SULT1A1: variants seen among roughly 807,000 people sequenced by gnomAD.
The protein encoded by SULT1A1 is sulfotransferase 1A1.
In SULT1A1, 35 loss-of-function variants were observed where a neutral mutation model predicts 36.8. That is an observed-to-expected ratio of 0.95 (90% CI 0.73 to 1.26). SULT1A1 has a LOEUF of 1.26. Among genes scored for constraint, SULT1A1 ranks in the 50% most tolerant of loss-of-function variants. The pLI, the probability that SULT1A1 is intolerant of heterozygous loss-of-function variation, is 0.00. For synonymous variants in SULT1A1, 119 were observed against 146.0 expected, an observed-to-expected ratio of 0.82 and a Z score of 1.33; for missense variants, 309 against 383.0, an observed-to-expected ratio of 0.81 and a Z score of 1.61.
At chr16:28,611,458 G>T (rs1405703050), upstream of SULT1A1, 7 of 152,214 alleles carry the variant, frequency 4.6e-5, no homozygotes, top group African/African-American at 1.7e-4. Flanking sequence ...TGCCAAGACG[G>T]CTCCAGGAAC....
upstream of SULT1A1, chr16:28,610,564 A>C: frequency 4.1e-6 from 1 of 244,212 alleles, no homozygotes; most frequent in Non-Finnish European, 8.3e-6. Context: ...GTGTGGGCAG[A>C]GTGAAGGGGC....
chr16:28,622,684 G>A (rs1477012996), intron 1 of SULT1A1, among the ~76,000 whole-genome samples: 1 of 151,948 alleles, frequency 6.6e-6, no homozygotes, highest in East Asian at 1.9e-4. Flanking sequence ...ACAGCAGGTC[G>A]GTTCCTTCCC....
At chr16:28,608,229 T>C in intron 4 of SULT1A1, 62 bp downstream of exon 4, 1 of 1,596,874 alleles carries the variant, frequency 6.3e-7, no homozygotes, top group Non-Finnish European at 8.6e-7. Context: ...TCAGGTGATC[T>C]GCCTGCCTCA....
At chr16:28,623,115 C>G in intron 1 of SULT1A1, 2 of 1,524,000 alleles carry the variant, frequency 1.3e-6, no homozygotes, top group Non-Finnish European at 1.8e-6. Flanking sequence ...CCCAGGTTCC[C>G]CCCCCGGCCC....
At chr16:28,619,929 A>T (rs2047617263) in intron 2 of SULT1A1, 1 of 641,120 alleles carries the variant, frequency 1.6e-6, no homozygotes, top group African/African-American at 1.8e-5. Flanking sequence ...GTACATATAT[A>T]TACATATACA....
At chr16:28,623,134 CGTA>C in exon 1 of SULT1A1, 1 of 1,336,466 alleles carries the variant, frequency 7.5e-7, no homozygotes, top group Non-Finnish European at 9.9e-7. Context: ...CCCTCACCGG[CGTA>C]GAAGGCCGAG....
At chr16:28,620,601 TA>T (rs1419320108) in intron 1 of SULT1A1, among the ~76,000 whole-genome samples, 1 of 148,600 alleles carries the variant, frequency 6.7e-6, no homozygotes, top group Non-Finnish European at 1.5e-5. Flanking sequence ...GTCTCCACTC[TA>T]AAACTAGAAA....
chr16:28,615,840 G>C (rs994275190), intron 2 of SULT1A1, among the ~76,000 whole-genome samples: 1 of 152,250 alleles, frequency 6.6e-6, no homozygotes, highest in Non-Finnish European at 1.5e-5. Flanking sequence ...AGCCGAGGCA[G>C]AGAGGGAGAG....
chr16:28,621,307 C>T (rs1484901181), intron 1 of SULT1A1, among the ~76,000 whole-genome samples: 8 of 151,356 alleles, frequency 5.3e-5, no homozygotes, highest in Admixed American at 5.3e-4. Flanking sequence ...CATGGTGAAA[C>T]TTTGTCTCCA....
intron 1 of SULT1A1, chr16:28,609,274 C>G: frequency 1.6e-6 from 2 of 1,252,772 alleles, no homozygotes; most frequent in Non-Finnish European, 2.0e-6. Flanking sequence ...CCCCCAGCCT[C>G]CACCCAGTGG....
At chr16:28,619,089 C>T (rs975301032) in intron 2 of SULT1A1, among the ~76,000 whole-genome samples, 4 of 152,078 alleles carry the variant, frequency 2.6e-5, no homozygotes, top group Non-Finnish European at 5.9e-5. Context: ...GATCTTGGCT[C>T]ACTGCAACCT....
chr16:28,620,250 T>A lies in SULT1A1; in HGVS notation c.68-117A>T, dbSNP rs1009094366. 4.2e-6 allele frequency: 4 copies of A among 956,606 alleles called. No individual in the cohort carries two copies. In the African/African-American group the frequency reaches 6.6e-5, roughly 16 times the overall value. 59.3% of individuals were successfully genotyped at this position (956,606 alleles called of 1,614,324 possible). On this transcript the variant is annotated intron_variant, in intron 1 of 5. Transcript: ENST00000350842. ...TAACCATCACTATCATCCATCAATA[T>A]GACCCTCTGATCCTACAGTGAAAAG...
rs41278162 is a variant in SULT1A1 at position 28,606,040 on chromosome 16, G to A, written c.775+16C>T. ...GCTCCCACCCGCCCCAAACCCCCGT[G>A]CTGGCCAGCACCCACCTTTCCTCAT... On this transcript the variant is annotated intron_variant, in intron 7 of 7. Transcript: ENST00000314752. The A allele has an allele frequency of 0.32, 510,406 of 1,582,816 alleles. 93,119 individuals carry two copies. Among genetic ancestry groups the A allele is most frequent in the Admixed American group, 0.37 (21,603 of 58,992 alleles).
chr16:28,616,798 G>A (rs1410736828), intron 2 of SULT1A1, among the ~76,000 whole-genome samples: 1 of 152,056 alleles, frequency 6.6e-6, no homozygotes, highest in Non-Finnish European at 1.5e-5. Flanking sequence ...TTACCTAACC[G>A]TGAAGTGCAA....
chr16:28,606,161 C>G lies in SULT1A1; in HGVS notation c.670G>C (p.Val224Leu). 1 of 1,611,634 alleles carries G rather than the reference C, an allele frequency of 6.2e-7. No individual in the cohort carries two copies. The highest frequency in any genetic ancestry group is 1.3e-5 in the African/African-American group (1 of 74,930). The change falls in exon 7 of 8, where the codon GTT (valine) becomes CTT (leucine). Residue 224 changes from valine (V) to leucine (L), a missense_variant. Val to Leu is a conservative substitution (Grantham distance 32). Transcript: ENST00000314752. ...ATCTCCTTGAACGACGTGTGCTGAA[C>G]CACGAAGTCCACGGTCTCCTCTGGC... is the stretch of plus-strand genomic sequence containing the variant. Reference protein sequence around the residue: ...SLPEETVDFVVQHTSFKEMKK... With the variant: ...SLPEETVDFVLQHTSFKEMKK...
At chr16:28,608,090 T>C in intron 4 of SULT1A1, 1 of 740,490 alleles carries the variant, frequency 1.4e-6, no homozygotes, top group Non-Finnish European at 2.1e-6. Flanking sequence ...CGGGTTCAAG[T>C]GATTCTCCTG....
chr16:28,609,852 A>T, intron 1 of SULT1A1, 79 bp downstream of exon 1: 1 of 1,205,198 alleles, frequency 8.3e-7, no homozygotes, highest in Non-Finnish European at 1.1e-6. Context: ...GGGATGCCAG[A>T]GGCCTCAGCT....
At chr16:28,621,103 C>T (rs1360682130) in intron 1 of SULT1A1, among the ~76,000 whole-genome samples, 1 of 151,268 alleles carries the variant, frequency 6.6e-6, no homozygotes, top group Admixed American at 6.6e-5. Context: ...TAAAGCGAGA[C>T]TCTGTCTCCC....
chr16:28,606,298 G>T (rs2047183332), intron 6 of SULT1A1, 62 bp from the exon 7 acceptor site: 10 of 1,609,982 alleles, frequency 6.2e-6, no homozygotes, highest in Middle Eastern at 1.6e-4. Context: ...AGTAAAAGGG[G>T]TCCCCTTCTC....
Sources: gnomAD v4.1 joint callset for allele counts (sites outside exome capture counted in the v4.1 genomes callset) on GRCh38, gnomAD v4.1.1 for gene constraint, MANE v1.5 for transcripts, NCBI Gene and HGNC (gene_info 2026-07-23, HGNC 2026-07-21) for gene names.